XIRP2: variants seen among roughly 807,000 people sequenced by gnomAD.
XIRP2 encodes xin actin-binding repeat-containing protein 2.
Under a neutral mutation model 277.0 loss-of-function variants are expected in XIRP2, and 236 were observed. The ratio of observed to expected loss-of-function variants is 0.85; its 90% CI spans 0.77 to 0.95. XIRP2 has a LOEUF of 0.95. Among genes scored for constraint, XIRP2 ranks in the 40% least tolerant of loss-of-function variants. The pLI is 0.00. For missense variants in XIRP2, 4,640 were observed against 4,157.5 expected (o/e 1.12, Z -3.19); for synonymous variants, 1,490 against 1,416.5 (o/e 1.05, Z -1.17).
In XIRP2 at chr2:167,247,774, G is replaced by A. The variant is rs779715126; in HGVS notation, c.6382G>A (p.Glu2128Lys). The change falls in exon 9 of 11, where the codon GAA becomes AAA. Residue 2128 changes from glutamate (E) to lysine (K), a missense_variant. By Grantham distance (56) the Glu-to-Lys change is moderately conservative. Transcript: ENST00000409195. Reference protein sequence around the residue: ...GKTVGKQQTYELRNDHQKMEG... With the variant: ...GKTVGKQQTYKLRNDHQKMEG... ...AACCGTTGGAAAGCAACAGACATAT[G>A]AACTGAGAAATGACCACCAGAAAAT... 23 of 1,613,280 alleles carry A rather than the reference G, an allele frequency of 1.4e-5. No individual in the cohort carries two copies. Among genetic ancestry groups the A allele is most frequent in the Middle Eastern group, 3.3e-4 (2 of 6,076 alleles).
At chr2:167,020,199 C>T (rs537134016) in intron 2 of XIRP2, among the ~76,000 whole-genome samples, 2 of 152,012 alleles carry the variant, frequency 1.3e-5, no homozygotes, top group South Asian at 4.1e-4. Flanking sequence ...GTAAGTGATC[C>T]TAAAAAATAA....
chr2:166,996,721 T>C (rs968855596), intron 2 of XIRP2, among the ~76,000 whole-genome samples: 4 of 152,160 alleles, frequency 2.6e-5, no homozygotes, highest in African/African-American at 9.7e-5. Flanking sequence ...AATAAAATTG[T>C]AGTCGGCCTG....
Position 167,241,917 on chromosome 2 carries a change from T to A in XIRP2, c.1176+7T>A. On this transcript the variant is annotated splice_region_variant and intron_variant, in intron 8 of 10. Coordinates refer to ENST00000409195, the MANE Select transcript of XIRP2 (RefSeq NM_152381.6). ...CCCAGCCAAGCAGATTAAGGTAAAG[T>A]CATTTCTTTACACAGAAACATACTA... is the stretch of plus-strand genomic sequence containing the variant. 1 of 1,608,774 alleles carries A rather than the reference T, an allele frequency of 6.2e-7. No homozygotes were observed. Among genetic ancestry groups the A allele is most frequent in the Non-Finnish European group, 8.5e-7 (1 of 1,178,192 alleles).
intron 5 of XIRP2, among the ~76,000 whole-genome samples, chr2:167,224,418 G>T (rs1055625376): frequency 1.4e-5 from 2 of 146,548 alleles, no homozygotes; most frequent in Non-Finnish European, 1.5e-5. Flanking sequence ...TTTTGTTTTT[G>T]TTTTTTTTTT....
intron 5 of XIRP2, 125 bp from the exon 6 acceptor site, chr2:167,239,730 C>A: frequency 1.3e-6 from 1 of 779,766 alleles, no homozygotes; most frequent in Non-Finnish European, 2.1e-6. Flanking sequence ...TTATAGCAGC[C>A]AAGAAAACTA....
intron 3 of XIRP2, among the ~76,000 whole-genome samples, chr2:167,188,096 G>A (rs1304264132): frequency 6.6e-6 from 1 of 152,124 alleles, no homozygotes; most frequent in Admixed American, 6.5e-5. Context: ...TACATGTTTT[G>A]CAGAATTAAG....
chr2:166,986,279 C>A (rs769608681), intron 2 of XIRP2, among the ~76,000 whole-genome samples: 1 of 152,166 alleles, frequency 6.6e-6, no homozygotes. Flanking sequence ...GTCCTCAGAA[C>A]TTCTTCAATA....
intron 3 of XIRP2, among the ~76,000 whole-genome samples, chr2:167,195,513 T>C (rs1693473585): frequency 6.6e-6 from 1 of 152,184 alleles, no homozygotes; most frequent in Non-Finnish European, 1.5e-5. Context: ...CCCTTCCAAC[T>C]TTATTTACTT....
intron 2 of XIRP2, among the ~76,000 whole-genome samples, chr2:167,129,392 G>A (rs1219553252): frequency 2.0e-5 from 3 of 152,084 alleles, no homozygotes; most frequent in South Asian, 4.1e-4. Flanking sequence ...AATATATAAA[G>A]CAGTAGGGCA....
intron 2 of XIRP2, among the ~76,000 whole-genome samples, chr2:167,132,160 C>A (rs1691395524): frequency 1.3e-5 from 2 of 152,124 alleles, no homozygotes; most frequent in East Asian, 1.9e-4. Context: ...CACTTGCCTG[C>A]AGTACTGCTA....
rs1267915665 is a variant in XIRP2 at position 167,251,687 on chromosome 2, C to T, written c.10295C>T (p.Ser3432Leu). 2.5e-6 allele frequency: 4 copies of T among 1,613,108 alleles called. No homozygotes were observed. Among genetic ancestry groups the T allele is most frequent in the African/African-American group, 1.3e-5 (1 of 74,774 alleles). The change falls in exon 9 of 11, where the codon TCG (serine) becomes TTG (leucine). Residue 3432 changes from serine (S) to leucine (L), a missense_variant. Ser to Leu is a moderately radical substitution (Grantham distance 145, BLOSUM62 -2). Coordinates refer to ENST00000409195, the MANE Select transcript of XIRP2 (RefSeq NM_152381.6). ...MDAFESQIVE[S>L]KMKTSSSHSS... is the part of the protein sequence containing the mutation. ...GCATTTGAGAGTCAAATTGTTGAGTCGAAGATGAAAACCTCTTCATCACAT... is the reference window on the plus strand; with the variant it reads ...GCATTTGAGAGTCAAATTGTTGAGTTGAAGATGAAAACCTCTTCATCACAT...
At chr2:167,095,167 A>G (rs1340555721) in intron 2 of XIRP2, among the ~76,000 whole-genome samples, 2 of 152,300 alleles carry the variant, frequency 1.3e-5, no homozygotes, top group South Asian at 2.1e-4. Flanking sequence ...TTGATTTTGT[A>G]TCCTGAGACT....
At position 167,241,892 on chromosome 2, in the gene XIRP2, C is replaced by T; in HGVS notation, c.1158C>T (p.Thr386=). The T allele has an allele frequency of 2.5e-6, 4 of 1,612,306 alleles. No individual in the cohort carries two copies. The highest frequency in any genetic ancestry group is 3.4e-6 in the Non-Finnish European group (4 of 1,179,194). The change falls in exon 8 of 11, where the codon ACC becomes ACT. Residue 386 remains threonine, a synonymous_variant. Transcript: ENST00000409195. ...TTTATTCTGACAAAGAGATGACAAC[C>T]CCAGCCAAGCAGATTAAGGTAAAGT... ...KILYSDKEMT[T]PAKQIKTESE...
intron 3 of XIRP2, among the ~76,000 whole-genome samples, chr2:167,138,770 A>G (rs1181661415): frequency 6.6e-6 from 1 of 152,200 alleles, no homozygotes; most frequent in Non-Finnish European, 1.5e-5. Context: ...CTAATATAAA[A>G]ATCTGATTCG....
chr2:167,199,866 A>T (rs1693630443), intron 3 of XIRP2, among the ~76,000 whole-genome samples: 1 of 152,260 alleles, frequency 6.6e-6, no homozygotes, highest in African/African-American at 2.4e-5. Flanking sequence ...AATCACAAGG[A>T]AGTTTGGGAA....
chr2:166,928,480 C>T (rs562618740), intron 2 of XIRP2, among the ~76,000 whole-genome samples: 55 of 152,240 alleles, frequency 3.6e-4, no homozygotes, highest in Admixed American at 7.9e-4. Context: ...AACTTTTTCA[C>T]TTTACAAATT....
At chr2:166,926,948 C>T (rs1173262709) in intron 2 of XIRP2, among the ~76,000 whole-genome samples, 2 of 152,102 alleles carry the variant, frequency 1.3e-5, no homozygotes, top group Non-Finnish European at 2.9e-5. Context: ...ATAGTCAACT[C>T]TCAGTTATTC....
intron 3 of XIRP2, among the ~76,000 whole-genome samples, chr2:167,200,220 C>T (rs760728283): frequency 2.6e-5 from 4 of 152,176 alleles, no homozygotes; most frequent in African/African-American, 9.7e-5. Flanking sequence ...GATACAGTTT[C>T]CTTCTCTTTA....
intron 2 of XIRP2, among the ~76,000 whole-genome samples, chr2:167,039,726 T>G (rs1382043346): frequency 6.6e-6 from 1 of 152,230 alleles, no homozygotes; most frequent in Non-Finnish European, 1.5e-5. Context: ...CCTTTTCCTC[T>G]GTTGGTAAAA....
Sources: allele counts gnomAD v4.1 joint callset (sites outside exome capture counted in the v4.1 genomes callset), GRCh38; gene constraint gnomAD v4.1.1; transcripts MANE v1.5; gene names NCBI Gene and HGNC (gene_info 2026-07-23, HGNC 2026-07-21).